The following TMTC2 variants were observed in gnomAD, a reference collection of about 807,000 sequenced individuals.
The protein encoded by TMTC2 is protein O-mannosyl-transferase TMTC2.
TMTC2 carries 43 observed loss-of-function variants against 82.4 expected under a neutral mutation model. That is an observed-to-expected ratio of 0.52 (90% CI 0.41 to 0.67). TMTC2 has a LOEUF of 0.67. TMTC2 is among the 30% of genes least tolerant of loss of function. The pLI, the probability that TMTC2 is intolerant of heterozygous loss-of-function variation, is 0.00. For synonymous variants in TMTC2, 408 were observed against 381.9 expected (o/e 1.07, Z -0.80); for missense variants, 919 against 1,012.4 (o/e 0.91, Z 1.25).
intron 1 of TMTC2, among the ~76,000 whole-genome samples, chr12:82,704,405 A>G (rs899169160): frequency 6.6e-6 from 1 of 152,140 alleles, no homozygotes; most frequent in East Asian, 1.9e-4. Context: ...TTTTTAAACC[A>G]TCTTTGGAAG....
intron 8 of TMTC2, 84 bp downstream of exon 8, chr12:82,986,130 GC>G: frequency 1.3e-6 from 2 of 1,577,010 alleles, no homozygotes; most frequent in Admixed American, 3.4e-5. Flanking sequence ...CTGTTTTACA[GC>G]CAGTTATCTA....
intron 11 of TMTC2, among the ~76,000 whole-genome samples, chr12:83,096,086 T>C (rs980198738): frequency 6.6e-6 from 1 of 152,264 alleles, no homozygotes; most frequent in Non-Finnish European, 1.5e-5. Context: ...ACTTCACAGA[T>C]TATTCAAATA....
chr12:82,940,761 T>TC (rs1045757133), intron 4 of TMTC2, among the ~76,000 whole-genome samples: 33 of 151,288 alleles, frequency 2.2e-4, no homozygotes, highest in African/African-American at 7.5e-4. Context: ...ATACATCCTT[T>TC]TTTTTCTCAG....
intron 1 of TMTC2, among the ~76,000 whole-genome samples, chr12:82,776,750 C>T (rs544285626): frequency 7.9e-5 from 12 of 152,104 alleles, no homozygotes; most frequent in African/African-American, 2.2e-4. Flanking sequence ...CCATTCTGGG[C>T]AACAGAGTGA....
At chr12:83,130,608 T>C (rs1172461887) in intron 11 of TMTC2, among the ~76,000 whole-genome samples, 1 of 152,190 alleles carries the variant, frequency 6.6e-6, no homozygotes, top group African/African-American at 2.4e-5. Flanking sequence ...AGTATCTATA[T>C]CCAGAGACAT....
intron 3 of TMTC2, among the ~76,000 whole-genome samples, chr12:82,923,467 A>G (rs2137231741): frequency 6.6e-6 from 1 of 152,142 alleles, no homozygotes; most frequent in East Asian, 1.9e-4. Context: ...AATGTTCTTC[A>G]CTAAATAGAA....
At chr12:82,896,781 T>C in intron 3 of TMTC2, 135 bp downstream of exon 3, 1 of 648,806 alleles carries the variant, frequency 1.5e-6, no homozygotes, top group Non-Finnish European at 2.5e-6. Context: ...TCATTCTTTT[T>C]ATTTTTTTAA....
chr12:82,755,712 T>G (rs187808554), intron 1 of TMTC2, among the ~76,000 whole-genome samples: 1 of 152,310 alleles, frequency 6.6e-6, no homozygotes, highest in East Asian at 1.9e-4. Context: ...TAAACCAGTT[T>G]GAGTTGGATT....
chr12:82,832,665 G>C (rs1869818015), intron 1 of TMTC2, among the ~76,000 whole-genome samples: 1 of 151,996 alleles, frequency 6.6e-6, no homozygotes, highest in South Asian at 2.1e-4. Context: ...ACACTGAAAG[G>C]CACAAATCTT....
chr12:83,106,167 T>C (rs1263261544), intron 11 of TMTC2, among the ~76,000 whole-genome samples: 2 of 152,068 alleles, frequency 1.3e-5, no homozygotes, highest in Non-Finnish European at 2.9e-5. Flanking sequence ...AAGGAAACAA[T>C]GTAAAAAGAT....
chr12:82,793,368 CTT>C (rs5799596), intron 1 of TMTC2, among the ~76,000 whole-genome samples: 1 of 137,328 alleles, frequency 7.3e-6, no homozygotes, highest in African/African-American at 2.7e-5. Context: ...AGTCTTTTTT[CTT>C]TTTTTTTTTT....
chr12:82,827,240 C>A (rs1365108057), intron 1 of TMTC2, among the ~76,000 whole-genome samples: 1 of 152,110 alleles, frequency 6.6e-6, no homozygotes, highest in African/African-American at 2.4e-5. Flanking sequence ...GTGTAGAGTT[C>A]AAAACCTCAA....
intron 1 of TMTC2, among the ~76,000 whole-genome samples, chr12:82,796,437 C>A (rs977880244): frequency 6.6e-6 from 1 of 152,122 alleles, no homozygotes; most frequent in African/African-American, 2.4e-5. Context: ...GTGGCATTTA[C>A]TCCAAAACAA....
intron 7 of TMTC2, 45 bp downstream of exon 7, chr12:82,967,042 G>T (rs1878244866): frequency 6.9e-7 from 1 of 1,454,382 alleles, no homozygotes. Flanking sequence ...TCAGGGACCT[G>T]TGGAGAAACA....
At chr12:82,917,706 A>G (rs1025187515) in intron 3 of TMTC2, among the ~76,000 whole-genome samples, 2 of 151,324 alleles carry the variant, frequency 1.3e-5, no homozygotes, top group African/African-American at 4.9e-5. Flanking sequence ...GGTTCATGCC[A>G]TTCTCCTGCC....
intron 1 of TMTC2, among the ~76,000 whole-genome samples, chr12:82,745,703 A>C (rs1045601608): frequency 6.6e-6 from 1 of 152,234 alleles, no homozygotes; most frequent in Non-Finnish European, 1.5e-5. Context: ...AGCCTGCAAT[A>C]GAACAGGATT....
rs74106065 is a variant in TMTC2, at chr12:83,114,513, C to A, written c.2332-17697C>A. Among the ~76,000 whole-genome samples the A allele has an allele frequency of 6.9e-3, 1,045 of 152,202 alleles. 11 individuals are homozygous for A. The highest frequency in any genetic ancestry group is 0.024 in the African/African-American group (995 of 41,526). On this transcript the variant is annotated intron_variant, in intron 11 of 11. Coordinates refer to ENST00000321196, the MANE Select transcript of TMTC2 (RefSeq NM_152588.3). ...CATCTTTAGAATATGTATGCCTAAC[C>A]CTAAATTTTCATTTAAATCTACTAT...
chr12:83,124,344 G>A (rs937997495), intron 11 of TMTC2, among the ~76,000 whole-genome samples: 1 of 152,114 alleles, frequency 6.6e-6, no homozygotes, highest in African/African-American at 2.4e-5. Flanking sequence ...TCTTCTTTCA[G>A]CAAACATTCA....
intron 3 of TMTC2, among the ~76,000 whole-genome samples, chr12:82,909,101 A>G (rs922690087): frequency 1.3e-5 from 2 of 151,108 alleles, no homozygotes; most frequent in African/African-American, 2.5e-5. Flanking sequence ...AAATAGGCCA[A>G]ACAGTCACCC....
Sources: allele counts gnomAD v4.1 joint callset (sites outside exome capture counted in the v4.1 genomes callset), GRCh38; gene constraint gnomAD v4.1.1; transcripts MANE v1.5; gene names NCBI Gene and HGNC (gene_info 2026-07-23, HGNC 2026-07-21).